WHRN: variants seen among roughly 807,000 people sequenced by gnomAD.
WHRN encodes the protein CASK-interacting protein CIP98.
Under a neutral mutation model 68.3 loss-of-function variants are expected in WHRN, and 41 were observed. The observed-to-expected ratio is 0.60, with a 90% CI of 0.47 to 0.78. WHRN has a LOEUF of 0.78. Among genes scored for constraint, WHRN ranks in the 30% least tolerant of loss-of-function variants. The pLI, the probability that WHRN is intolerant of heterozygous loss-of-function variation, is 0.00. For missense variants in WHRN, 1,243 were observed against 1,244.7 expected (o/e 1.00, Z 0.02); for synonymous variants, 560 against 561.3 (o/e 1.00, Z 0.03).
intron 1 of WHRN, among the ~76,000 whole-genome samples, chr9:114,479,895 T>C (rs921786400): frequency 1.3e-5 from 2 of 152,082 alleles, no homozygotes; most frequent in Admixed American, 1.3e-4. Flanking sequence ...AAATCCTGTC[T>C]CTACTAAAAA....
chr9:114,428,291 A>T (rs1453476158), intron 3 of WHRN, among the ~76,000 whole-genome samples: 1 of 152,192 alleles, frequency 6.6e-6, no homozygotes, highest in Non-Finnish European at 1.5e-5. Context: ...GTGCCACTGC[A>T]CTCCAGCCTG....
chr9:114,480,548 G>C (rs1432011364), intron 1 of WHRN, among the ~76,000 whole-genome samples: 2 of 152,156 alleles, frequency 1.3e-5, no homozygotes, highest in South Asian at 4.1e-4. Context: ...AAGTCTGAAA[G>C]TGGGCCCTCA....
chr9:114,420,798 A>G (rs1296763709), intron 7 of WHRN, among the ~76,000 whole-genome samples: 2 of 152,080 alleles, frequency 1.3e-5, no homozygotes, highest in African/African-American at 4.8e-5. Context: ...CATTTCTGGG[A>G]TGCTGGTACT....
intron 3 of WHRN, among the ~76,000 whole-genome samples, chr9:114,451,811 T>C (rs1839363035): frequency 6.6e-6 from 1 of 152,246 alleles, no homozygotes; most frequent in African/African-American, 2.4e-5. Context: ...TAGACCCACC[T>C]GGGTTTGAAT....
chr9:114,462,782 G>A (rs778660876), intron 3 of WHRN, among the ~76,000 whole-genome samples: 18 of 152,286 alleles, frequency 1.2e-4, no homozygotes, highest in Non-Finnish European at 1.9e-4. Flanking sequence ...ATAAATTGGC[G>A]AGAAGAACAT....
At chr9:114,493,249 G>A (rs1843142432) in intron 1 of WHRN, among the ~76,000 whole-genome samples, 1 of 151,646 alleles carries the variant, frequency 6.6e-6, no homozygotes, top group South Asian at 2.1e-4. Context: ...TACTTGGGAG[G>A]CTGAGGCAAG....
At chr9:114,427,601 G>T (rs1392081160) in intron 3 of WHRN, among the ~76,000 whole-genome samples, 2 of 152,290 alleles carry the variant, frequency 1.3e-5, no homozygotes, top group East Asian at 3.9e-4. Context: ...TCAAAGATTT[G>T]GAAAAGGTAA....
chr9:114,480,568 G>A (rs137959734), intron 1 of WHRN, among the ~76,000 whole-genome samples: 54 of 152,218 alleles, frequency 3.5e-4, no homozygotes, highest in African/African-American at 1.2e-3. Flanking sequence ...ACCAGAACCC[G>A]AGAACAATGG....
chr9:114,474,193 AT>A (rs1841467691), intron 2 of WHRN, among the ~76,000 whole-genome samples: 1 of 152,172 alleles, frequency 6.6e-6, no homozygotes, highest in Admixed American at 6.5e-5. Flanking sequence ...CCCAAGGTTC[AT>A]TTTCCACCTT....
intron 3 of WHRN, among the ~76,000 whole-genome samples, chr9:114,440,359 C>G (rs1301361251): frequency 6.6e-6 from 1 of 152,102 alleles, no homozygotes; most frequent in East Asian, 1.9e-4. Context: ...GCCTTAGCGT[C>G]TCGAGTAGCT....
At chr9:114,413,712 C>A (rs1392184086) in intron 7 of WHRN, among the ~76,000 whole-genome samples, 1 of 152,198 alleles carries the variant, frequency 6.6e-6, no homozygotes, top group Non-Finnish European at 1.5e-5. Flanking sequence ...AACCTCAACA[C>A]TGGGCCAGCA....
intron 7 of WHRN, among the ~76,000 whole-genome samples, chr9:114,415,836 T>C (rs944016983): frequency 1.3e-5 from 2 of 151,918 alleles, no homozygotes; most frequent in East Asian, 1.9e-4. Context: ...CTCTAAACCA[T>C]CCAGGTTGGA....
chr9:114,451,043 G>A (rs1351587919), intron 3 of WHRN, among the ~76,000 whole-genome samples: 2 of 152,190 alleles, frequency 1.3e-5, no homozygotes, highest in Non-Finnish European at 2.9e-5. Context: ...GAGCCCGGCT[G>A]CAACCACACA....
At chr9:114,458,702 G>A (rs571724295) in intron 3 of WHRN, among the ~76,000 whole-genome samples, 4 of 152,254 alleles carry the variant, frequency 2.6e-5, no homozygotes, top group East Asian at 1.9e-4. Context: ...TGGACAGAGC[G>A]AGCATCAGCA....
chr9:114,402,809 G>C lies in WHRN; in HGVS notation c.2669C>G (p.Thr890Ser). The change falls in exon 12 of 12, where the codon ACT becomes AGT. Residue 890 changes from threonine (T) to serine (S), a missense_variant. Transcript: ENST00000362057. ...AARIIAEAFK[T>S]KDRDYIDFLV... ...AAAGTCAATGTAGTCACGGTCCTTAGTCTTGAAGGCCTCGGCGATAATGCG... is the reference window on the plus strand; with the variant it reads ...AAAGTCAATGTAGTCACGGTCCTTACTCTTGAAGGCCTCGGCGATAATGCG... 1.2e-6 allele frequency: 2 copies of C among 1,614,118 alleles called. No individual in the cohort carries two copies. The highest frequency in any genetic ancestry group is 1.7e-6 in the Non-Finnish European group (2 of 1,180,054).
intron 7 of WHRN, among the ~76,000 whole-genome samples, chr9:114,420,414 C>T (rs140762655): frequency 9.7e-4 from 148 of 152,270 alleles, no homozygotes; most frequent in African/African-American, 3.4e-3. Context: ...GGCTGGGATC[C>T]GTATTCCCAG....
chr9:114,505,357 T>A lies in WHRN; in HGVS notation c.-556A>T, dbSNP rs1844304054. 1 of 152,154 alleles carries A rather than the reference T, an allele frequency of 6.6e-6. No homozygotes were observed. The highest frequency in any genetic ancestry group is 2.4e-5 in the African/African-American group (1 of 41,338). 9.4% of individuals were successfully genotyped at this position (152,154 alleles called of 1,614,324 possible). ...AGCGGCGCGGGCGTCCGACAAGGGGTGCGGGGCATGTCCGGGGCAGCCCCG... is the reference window on the plus strand; with the variant it reads ...AGCGGCGCGGGCGTCCGACAAGGGGAGCGGGGCATGTCCGGGGCAGCCCCG... On this transcript the variant is annotated 5_prime_UTR_variant, in exon 1 of 12. Coordinates refer to ENST00000362057, the MANE Select transcript of WHRN (RefSeq NM_015404.4).
intron 1 of WHRN, among the ~76,000 whole-genome samples, chr9:114,483,679 C>A (rs752017978): frequency 5.6e-4 from 85 of 152,338 alleles, no homozygotes; most frequent in South Asian, 1.0e-3. Flanking sequence ...GACAGAGACC[C>A]AGCAGGTCCC....
chr9:114,414,939 C>A (rs1835703291), intron 7 of WHRN, among the ~76,000 whole-genome samples: 1 of 152,158 alleles, frequency 6.6e-6, no homozygotes, highest in Non-Finnish European at 1.5e-5. Flanking sequence ...AACAGCCTCT[C>A]CTGGTCACCC....
Sources: allele counts gnomAD v4.1 joint callset (sites outside exome capture counted in the v4.1 genomes callset), GRCh38; gene constraint gnomAD v4.1.1; transcripts MANE v1.5; gene names NCBI Gene and HGNC (gene_info 2026-07-23, HGNC 2026-07-21).